SLC39A9: variants seen among roughly 807,000 people sequenced by gnomAD.
The protein encoded by SLC39A9 is solute carrier family 39 member 9, also known as zinc transporter ZIP9.
In SLC39A9, 14 loss-of-function variants were observed where a neutral mutation model predicts 28.4. The observed-to-expected ratio is 0.49, with a 90% confidence interval of 0.33 to 0.77. The LOEUF (loss-of-function observed/expected upper bound fraction) is 0.77. Among genes scored for constraint, SLC39A9 ranks in the 30% least tolerant of loss-of-function variants. The probability of loss-of-function intolerance (pLI) is 0.02; values close to 1 mark genes in which losing one functional copy is unlikely to be tolerated. For synonymous variants in SLC39A9, 119 were observed against 149.6 expected, an observed-to-expected ratio of 0.80 and a Z score of 1.49; for missense variants, 283 against 381.1, an observed-to-expected ratio of 0.74 and a Z score of 2.14.
chr14:69,411,477 G>A (rs952093603), intron 1 of SLC39A9, among the ~76,000 whole-genome samples: 7 of 152,100 alleles, frequency 4.6e-5, no homozygotes, highest in Non-Finnish European at 7.4e-5. Context: ...AAAACCAATG[G>A]CATTGCACAG....
At chr14:69,443,845 G>C (rs908818273) in intron 3 of SLC39A9, among the ~76,000 whole-genome samples, 2 of 151,776 alleles carry the variant, frequency 1.3e-5, no homozygotes, top group Non-Finnish European at 2.9e-5. Context: ...CTCCAGCCTG[G>C]GTGACAAAGT....
In SLC39A9 at chr14:69,460,236, G is replaced by A. The variant is rs1886055502; in HGVS notation, c.*1643G>A. ...TTTTCTATGACGCATAAGCTAGCAT[G>A]CCTATGATTTATTTCCTTCATGAAT... On this transcript the variant is annotated 3_prime_UTR_variant, in exon 7 of 7. Transcript: ENST00000336643. 4.1e-6 allele frequency: 4 copies of A among 985,872 alleles called. No homozygotes were observed. Among genetic ancestry groups the A allele is most frequent in the Non-Finnish European group, 4.8e-6 (4 of 829,934 alleles). The allele number at this position is 985,872 out of a possible 1,614,324, so 61.1% of individuals were successfully genotyped here.
chr14:69,442,023 T>C, intron 2 of SLC39A9, 46 bp from the exon 3 acceptor site: 1 of 1,583,724 alleles, frequency 6.3e-7, no homozygotes, highest in Non-Finnish European at 8.6e-7. Flanking sequence ...TGAAAATGTT[T>C]TTAGGGGAAA....
intron 2 of SLC39A9, among the ~76,000 whole-genome samples, chr14:69,431,983 C>G (rs1046924720): frequency 6.6e-6 from 1 of 152,118 alleles, no homozygotes; most frequent in African/African-American, 2.4e-5. Flanking sequence ...TAGGTTGATT[C>G]CATGTCCTTG....
intron 1 of SLC39A9, among the ~76,000 whole-genome samples, chr14:69,423,642 A>C (rs1045935126): frequency 1.3e-5 from 2 of 152,192 alleles, no homozygotes; most frequent in African/African-American, 4.8e-5. Flanking sequence ...TCACGCTTGT[A>C]ATCTCAGCAC....
At chr14:69,444,869 T>C (rs931072394) in intron 3 of SLC39A9, among the ~76,000 whole-genome samples, 1 of 152,028 alleles carries the variant, frequency 6.6e-6, no homozygotes, top group African/African-American at 2.4e-5. Flanking sequence ...TTTGAGAGGC[T>C]GAGGTAGGAT....
chr14:69,459,244 C>T lies in SLC39A9; in HGVS notation c.*651C>T. The T allele has an allele frequency of 1.0e-6, 1 of 985,422 alleles. No homozygotes were observed. Among genetic ancestry groups the T allele is most frequent in the Non-Finnish European group, 1.2e-6 (1 of 829,940 alleles). The allele number at this position is 985,422 out of a possible 1,614,324, so 61.0% of individuals were successfully genotyped here. A position where few individuals can be genotyped will look rare whatever the true frequency, so the allele number is the denominator to read the frequency against. On this transcript the variant is annotated 3_prime_UTR_variant, in exon 7 of 7. Transcript: ENST00000336643. ...ATTTAAACAGCTCCTTTGGCACGTG[C>T]CTCTCTGAATCCAGCCTGCCATTCC...
intron 1 of SLC39A9, among the ~76,000 whole-genome samples, chr14:69,412,597 T>C (rs996227637): frequency 6.6e-6 from 1 of 152,126 alleles, no homozygotes; most frequent in African/African-American, 2.4e-5. Context: ...CAGAGCCCAG[T>C]GGCCGGTACC....
rs558175600 is a variant in SLC39A9 at position 69,398,920 on chromosome 14, G to A, written c.-450G>A. 5.0e-6 allele frequency: 1 copy of A among 198,694 alleles called. No homozygotes were observed. The highest frequency in any genetic ancestry group is 6.2e-5 in the Admixed American group (1 of 16,098). 12.3% of individuals were successfully genotyped at this position (198,694 alleles called of 1,614,324 possible). On this transcript the variant is annotated 5_prime_UTR_variant, in exon 1 of 7. Coordinates refer to ENST00000336643, the MANE Select transcript of SLC39A9 (RefSeq NM_018375.5). The stretch of plus-strand genomic sequence containing the variant: ...ACTGGTGGGCTGGTTTCCTGCTCTG[G>A]GGGGCGGATCACCTTCGGGGCCGCC...
chr14:69,428,499 A>G (rs1162280238), intron 2 of SLC39A9: 1 of 152,630 alleles, frequency 6.6e-6, no homozygotes, highest in Non-Finnish European at 1.5e-5. Context: ...AGCCCTCTAA[A>G]TTGGTTCAGC....
intron 6 of SLC39A9, among the ~76,000 whole-genome samples, chr14:69,457,062 A>G (rs1191581479): frequency 6.6e-6 from 1 of 152,178 alleles, no homozygotes; most frequent in African/African-American, 2.4e-5. Flanking sequence ...TACTTGCTGC[A>G]TCTATGGGAT....
At position 69,458,465 on chromosome 14, in the gene SLC39A9, G is replaced by A. The variant is rs772617716; in HGVS notation, c.796G>A (p.Val266Met). The change falls in exon 7 of 7, where the codon GTG becomes ATG. Residue 266 changes from valine to methionine, a missense_variant. Val to Met is a conservative substitution (Grantham distance 21). Transcript: ENST00000336643. ...TGCCACAGTACATGTCCTCCCTGAG[G>A]TGGGCGGAATAGGGCACAGCCACAA... ...YVATVHVLPE[V>M]GGIGHSHKPD... 2.5e-6 allele frequency: 4 copies of A among 1,614,232 alleles called. No homozygotes were observed. Among genetic ancestry groups the A allele is most frequent in the South Asian group, 2.2e-5 (2 of 91,088 alleles).
At chr14:69,420,208 C>T (rs1883806655) in intron 1 of SLC39A9, among the ~76,000 whole-genome samples, 1 of 152,170 alleles carries the variant, frequency 6.6e-6, no homozygotes, top group African/African-American at 2.4e-5. Flanking sequence ...GACAAAATCT[C>T]TCAGCATTTG....
At chr14:69,412,576 ATTGT>A (rs1391584728) in intron 1 of SLC39A9, among the ~76,000 whole-genome samples, 3 of 152,080 alleles carry the variant, frequency 2.0e-5, no homozygotes, top group Middle Eastern at 3.2e-3. Context: ...CATTTGTGTA[ATTGT>A]TTGTATCAGA....
At chr14:69,457,538 C>T (rs988354478) in intron 6 of SLC39A9, among the ~76,000 whole-genome samples, 1 of 151,858 alleles carries the variant, frequency 6.6e-6, no homozygotes, top group Non-Finnish European at 1.5e-5. Flanking sequence ...AGGTCAACTA[C>T]TGCATCTTGA....
At chr14:69,416,777 G>A (rs567524464) in intron 1 of SLC39A9, among the ~76,000 whole-genome samples, 1 of 152,304 alleles carries the variant, frequency 6.6e-6, no homozygotes, top group Admixed American at 6.5e-5. Context: ...CTTCTTTTGA[G>A]AAATGTCTGT....
chr14:69,411,019 CTGGTCAACA>C (rs1315351771), intron 1 of SLC39A9, among the ~76,000 whole-genome samples: 1 of 152,060 alleles, frequency 6.6e-6, no homozygotes, highest in Non-Finnish European at 1.5e-5. Context: ...TGAGACCTGC[CTGGTCAACA>C]TGGTGAAACC....
intron 3 of SLC39A9, among the ~76,000 whole-genome samples, chr14:69,446,062 G>T (rs1045683660): frequency 1.3e-5 from 2 of 151,932 alleles, no homozygotes; most frequent in Non-Finnish European, 2.9e-5. Flanking sequence ...AATGGAATGG[G>T]CAAAACAGTT....
Position 69,459,669 on chromosome 14 carries a change from A to T in SLC39A9, c.*1076A>T. The stretch of plus-strand genomic sequence containing the variant: ...TTCTCACATAACCACCTGTAGCAAG[A>T]TGGATCATAAATGAGAAGTGTTTGC... On this transcript the variant is annotated 3_prime_UTR_variant, in exon 7 of 7. Coordinates refer to ENST00000336643, the MANE Select transcript of SLC39A9 (RefSeq NM_018375.5). 1 of 984,938 alleles carries T rather than the reference A, an allele frequency of 1.0e-6. No individual in the cohort carries two copies. The highest frequency in any genetic ancestry group is 1.2e-6 in the Non-Finnish European group (1 of 829,770). The allele number at this position is 984,938 out of a possible 1,614,324, so 61.0% of individuals were successfully genotyped here. A position where few individuals can be genotyped will look rare whatever the true frequency, so the allele number is the denominator to read the frequency against.
Sources: allele counts gnomAD v4.1 joint callset (sites outside exome capture counted in the v4.1 genomes callset), GRCh38; gene constraint gnomAD v4.1.1; transcripts MANE v1.5; gene names NCBI Gene and HGNC (gene_info 2026-07-23, HGNC 2026-07-21).